ITGAE: variants seen among roughly 807,000 people sequenced by gnomAD.
The protein encoded by ITGAE is integrin alpha-E.
Under a neutral mutation model 136.5 loss-of-function variants are expected in ITGAE, and 99 were observed. The ratio of observed to expected loss-of-function variants is 0.73; its 90% CI spans 0.62 to 0.86. The LOEUF (loss-of-function observed/expected upper bound fraction) is 0.86. Ranked by LOEUF, ITGAE falls within the 40% of genes least tolerant of loss-of-function variation. ITGAE has a pLI of 0.00. For synonymous variants in ITGAE, 613 were observed against 591.8 expected (o/e 1.04, Z -0.52); for missense variants, 1,447 against 1,515.3 (o/e 0.95, Z 0.75).
rs2053163395 is a variant in ITGAE, at chr17:3,798,031, A to G, written c.34+3080T>C. Among the ~76,000 whole-genome samples the G allele has an allele frequency of 6.6e-6, 1 of 152,066 alleles. No individual in the cohort carries two copies. Among genetic ancestry groups the G allele is most frequent in the South Asian group, 2.1e-4 (1 of 4,824 alleles). On this transcript the variant is annotated intron_variant, in intron 1 of 30. Transcript: ENST00000263087. This position sits in a 1 kb window ranked among gnomAD's most constrained non-coding sequence, Gnocchi z 4.3. ...CCACCTCCACCGTGGGCCTCTCGGG[A>G]CTGGATGCCCGCATTCCTCCACTTA...
chr17:3,735,254 A>G (rs1195812255), intron 20 of ITGAE, among the ~76,000 whole-genome samples: 1 of 151,880 alleles, frequency 6.6e-6, no homozygotes, highest in South Asian at 2.1e-4. Flanking sequence ...TGCAACCTCC[A>G]CCTCCCAGGT....
chr17:3,757,655 C>G, intron 9 of ITGAE, 51 bp downstream of exon 9: 1 of 1,593,234 alleles, frequency 6.3e-7, no homozygotes, highest in South Asian at 1.1e-5. Context: ...GGCTTCTCCC[C>G]ACCCCAGGCT....
intron 23 of ITGAE, 89 bp from the exon 24 acceptor site, chr17:3,729,644 G>A: frequency 1.1e-6 from 1 of 887,610 alleles, no homozygotes; most frequent in Non-Finnish European, 1.9e-6. Context: ...GCCCAGGCAG[G>A]AGTGCAGTGT....
intron 28 of ITGAE, among the ~76,000 whole-genome samples, chr17:3,722,642 A>G (rs1395652603): frequency 6.6e-6 from 1 of 152,182 alleles, no homozygotes; most frequent in Non-Finnish European, 1.5e-5. Flanking sequence ...AATAGGACAG[A>G]ATAACCCGAT....
rs142991401 is a variant in ITGAE, at chr17:3,781,998, G to A, written c.35-4338C>T. 6.4e-4 allele frequency among the ~76,000 whole-genome samples: 97 copies of A among 151,920 alleles called. No homozygotes were observed. The East Asian group carries it at 0.018, about 28-fold the overall frequency. On this transcript the variant is annotated intron_variant, in intron 1 of 30. Transcript: ENST00000263087. ...ATTTTTTAAAAGCATGGTCTGGGCC[G>A]GGTGCGGTGGCTCATGCCTATAATC...
intron 2 of ITGAE, among the ~76,000 whole-genome samples, chr17:3,769,072 C>A (rs1290403591): frequency 3.9e-5 from 6 of 152,146 alleles, no homozygotes; most frequent in South Asian, 4.1e-4. Context: ...GCCCTAGACC[C>A]AGCATCTCCT....
At chr17:3,745,732 C>T in intron 18 of ITGAE, 32 bp downstream of exon 18, 1 of 1,608,406 alleles carries the variant, frequency 6.2e-7, no homozygotes, top group South Asian at 1.1e-5. Context: ...ACAAAGACCC[C>T]TCCTGACTCC....
intron 19 of ITGAE, among the ~76,000 whole-genome samples, chr17:3,740,321 T>C (rs2051554595): frequency 6.6e-6 from 1 of 152,210 alleles, no homozygotes; most frequent in African/African-American, 2.4e-5. Flanking sequence ...CCAAATATCG[T>C]CAAGGTCCAG....
At chr17:3,754,092 T>C (rs913343094) in intron 12 of ITGAE, among the ~76,000 whole-genome samples, 167 bp from the exon 13 acceptor site, 1 of 152,138 alleles carries the variant, frequency 6.6e-6, no homozygotes, top group African/African-American at 2.4e-5. Flanking sequence ...GCGAGCACTC[T>C]CACTTTGCCA....
intron 29 of ITGAE, among the ~76,000 whole-genome samples, chr17:3,718,819 A>T (rs1229407400): frequency 2.6e-5 from 4 of 152,200 alleles, no homozygotes; most frequent in Non-Finnish European, 5.9e-5. Context: ...CATTCTCTGT[A>T]TGGCTTGGAT....
At chr17:3,782,507 A>G (rs2052690560) in intron 1 of ITGAE, among the ~76,000 whole-genome samples, 1 of 151,734 alleles carries the variant, frequency 6.6e-6, no homozygotes, top group Admixed American at 6.6e-5. Context: ...AGCCGGGATT[A>G]CAGGTACACA....
In ITGAE at chr17:3,723,941, G is replaced by C. The variant is rs1471096798; in HGVS notation, c.3085-197C>G. ...CCTCTTGGCGGGTGCCGGCCATGGC[G>C]GCTTCGCTCCCGGGACCTGGGAGCC... On this transcript the variant is annotated intron_variant, in intron 26 of 30. Coordinates refer to ENST00000263087, the MANE Select transcript of ITGAE (RefSeq NM_002208.5). 3 of 1,552,100 alleles carry C rather than the reference G, an allele frequency of 1.9e-6. No homozygotes were observed. The Admixed American group carries it at 5.8e-5, about 30-fold the overall frequency.
At chr17:3,751,937 C>A in intron 14 of ITGAE, 63 bp from the exon 15 acceptor site, 2 of 1,375,776 alleles carry the variant, frequency 1.5e-6, no homozygotes, top group South Asian at 1.2e-5. Flanking sequence ...TCCATTGCCA[C>A]CCCGATGCAC....
At chr17:3,764,542 C>A (rs1379117611) in intron 2 of ITGAE, among the ~76,000 whole-genome samples, 3 of 152,232 alleles carry the variant, frequency 2.0e-5, no homozygotes, top group African/African-American at 7.2e-5. Flanking sequence ...ACTAAAAATA[C>A]AAAAATTAGC....
chr17:3,726,819 G>C (rs375903549), intron 26 of ITGAE: 2 of 151,560 alleles, frequency 1.3e-5, no homozygotes, highest in African/African-American at 4.9e-5. Flanking sequence ...TCCGCCTCCC[G>C]GGTTCAAGCA....
rs757301085 is a variant in ITGAE at position 3,739,890 on chromosome 17, CAG to C, written c.2449-14_2449-13del. On this transcript the variant is annotated splice_polypyrimidine_tract_variant and intron_variant, in intron 19 of 30. Coordinates refer to ENST00000263087, the MANE Select transcript of ITGAE (RefSeq NM_002208.5). ...TTCTCATAGGGCAGCTGTAACCAGA[CAG>C]AGAGTCCCGATCAGCCCAGGCTCCG... The C allele has an allele frequency of 6.8e-6, 11 of 1,611,058 alleles. No homozygotes were observed. The highest frequency in any genetic ancestry group is 2.2e-5 in the East Asian group (1 of 44,874).
chr17:3,795,308 G>A (rs976572779), intron 1 of ITGAE, among the ~76,000 whole-genome samples: 4 of 152,174 alleles, frequency 2.6e-5, no homozygotes, highest in Admixed American at 6.5e-5. Flanking sequence ...CCAGCTCAGC[G>A]CAGGGCCAGG....
chr17:3,749,799 C>T (rs576149389), intron 16 of ITGAE, among the ~76,000 whole-genome samples: 25 of 152,078 alleles, frequency 1.6e-4, no homozygotes, highest in African/African-American at 5.5e-4. Context: ...GGGTGGATCA[C>T]GAGGTCAGGA....
rs115898165 is a variant in ITGAE, at chr17:3,745,290, G to A, written c.2319+474C>T. Reference sequence around the variant, plus strand: ...TTCCTGAGTTATTACCAAGAAAAACGTCAGCAATGACAGCATCTCCATCTT... The same window carrying A: ...TTCCTGAGTTATTACCAAGAAAAACATCAGCAATGACAGCATCTCCATCTT... On this transcript the variant is annotated intron_variant, in intron 18 of 30. Coordinates refer to ENST00000263087, the MANE Select transcript of ITGAE (RefSeq NM_002208.5). Among the ~76,000 whole-genome samples, 713 of 152,228 alleles carry A rather than the reference G, an allele frequency of 4.7e-3. 8 individuals are homozygous for A. The highest frequency in any genetic ancestry group is 0.016 in the African/African-American group (668 of 41,548).
Sources: gnomAD v4.1 joint callset for allele counts (sites outside exome capture counted in the v4.1 genomes callset) on GRCh38, gnomAD v4.1.1 for gene constraint, Gnocchi (gnomAD v3.1) non-coding constraint, MANE v1.5 for transcripts, NCBI Gene and HGNC (gene_info 2026-07-23, HGNC 2026-07-21) for gene names.